EXD3: variants seen among roughly 807,000 people sequenced by gnomAD.
The protein encoded by EXD3 is exonuclease 3'-5' domain containing 3.
EXD3 carries 92 observed loss-of-function variants against 98.0 expected under a neutral mutation model. The ratio of observed to expected loss-of-function variants is 0.94; its 90% CI spans 0.79 to 1.12. The LOEUF (loss-of-function observed/expected upper bound fraction) is 1.12. Among genes scored for constraint, EXD3 ranks in the 50% most tolerant of loss-of-function variants. The probability of loss-of-function intolerance (pLI) is 0.00; values close to 1 mark genes in which losing one functional copy is unlikely to be tolerated. For missense variants in EXD3, 1,222 were observed against 1,191.6 expected, an observed-to-expected ratio of 1.03 and a Z score of -0.38; for synonymous variants, 569 against 526.0, an observed-to-expected ratio of 1.08 and a Z score of -1.12.
intron 17 of EXD3, among the ~76,000 whole-genome samples, chr9:137,325,808 G>A (rs979427363): frequency 1.3e-5 from 2 of 152,144 alleles, no homozygotes; most frequent in African/African-American, 2.4e-5. Context: ...TCTTAGAAGA[G>A]GCTGGGCAAG....
chr9:137,316,829 G>C (rs1466737165), intron 19 of EXD3, among the ~76,000 whole-genome samples: 1 of 152,224 alleles, frequency 6.6e-6, no homozygotes, highest in Non-Finnish European at 1.5e-5. Flanking sequence ...CCCGCACAGG[G>C]GCCTAGGTGT....
At chr9:137,328,771 GCTACACGGGA>G (rs1832691532) in intron 17 of EXD3, among the ~76,000 whole-genome samples, 1 of 10,382 alleles carries the variant, frequency 9.6e-5, no homozygotes, top group Admixed American at 9.7e-4. Flanking sequence ...ACTACACGGG[GCTACACGGGA>G]CTACACGGGA....
At chr9:137,336,398 C>T (rs145382414) in intron 17 of EXD3, among the ~76,000 whole-genome samples, 5 of 152,276 alleles carry the variant, frequency 3.3e-5, no homozygotes, top group South Asian at 2.1e-4. Flanking sequence ...TGGTGGCTCA[C>T]GCCTGTAATC....
rs1311050882 is a variant in EXD3, at chr9:137,324,079, G to C, written c.2052+11C>G. ...GCTCAGGCCCACTGAGCTTATCTTT[G>C]GGACACTCACCTTGTGGAATGGCTG... On this transcript the variant is annotated intron_variant, in intron 18 of 21. Transcript: ENST00000340951. This position sits in a 1 kb window ranked among gnomAD's most constrained non-coding sequence, Gnocchi z 4.1. 1 of 1,582,766 alleles carries C rather than the reference G, an allele frequency of 6.3e-7. No individual in the cohort carries two copies. Among genetic ancestry groups the C allele is most frequent in the South Asian group, 1.2e-5 (1 of 86,494 alleles).
intron 2 of EXD3, among the ~76,000 whole-genome samples, chr9:137,390,247 G>A (rs1350646519): frequency 6.6e-6 from 1 of 150,542 alleles, no homozygotes; most frequent in African/African-American, 2.5e-5. Context: ...TGGCTAACAT[G>A]GTGAAACCCC....
At chr9:137,368,164 G>GC (rs200057346) in intron 5 of EXD3, among the ~76,000 whole-genome samples, 175 bp from the exon 6 acceptor site, 8 of 152,168 alleles carry the variant, frequency 5.3e-5, no homozygotes, top group Admixed American at 1.3e-4. Flanking sequence ...TGGCAGACAA[G>GC]CCCCCCCGTG....
At position 137,393,693 on chromosome 9, in the gene EXD3, G is replaced by C. The variant is rs1837059083; in HGVS notation, c.55+1610C>G. ...CGTGGGATAGGGAAACTGAGGCAGA[G>C]AGCCTCAGCTGCTGCCATGTGGGAG... On this transcript the variant is annotated intron_variant, in intron 2 of 21. Transcript: ENST00000340951. This position sits in a 1 kb window ranked among gnomAD's most constrained non-coding sequence, Gnocchi z 4.6. Among the ~76,000 whole-genome samples, 1 of 152,214 alleles carries C rather than the reference G, an allele frequency of 6.6e-6. No homozygotes were observed. Among genetic ancestry groups the C allele is most frequent in the Non-Finnish European group, 1.5e-5 (1 of 68,014 alleles).
In EXD3 at chr9:137,385,398, G is replaced by A. The variant is rs987476939; in HGVS notation, c.56-2021C>T. Among the ~76,000 whole-genome samples the A allele has an allele frequency of 1.4e-5, 2 of 143,100 alleles. No individual in the cohort carries two copies. Among genetic ancestry groups the A allele is most frequent in the Non-Finnish European group, 1.5e-5 (1 of 64,936 alleles). 93.9% of individuals were successfully genotyped at this position (143,100 alleles called of 152,430 possible). A position where few individuals can be genotyped will look rare whatever the true frequency, so the allele number is the denominator to read the frequency against. On this transcript the variant is annotated intron_variant, in intron 2 of 21. Transcript: ENST00000340951. The surrounding 1 kb of genome is among the most constrained non-coding windows in gnomAD (Gnocchi z 4.4). Reference sequence around the variant, plus strand: ...GTGCTGCATGCTGGGCATGGCTGGCGATGGGGCCAGGGTGGGCTGGGCGGG... The same window carrying A: ...GTGCTGCATGCTGGGCATGGCTGGCAATGGGGCCAGGGTGGGCTGGGCGGG...
intron 7 of EXD3, among the ~76,000 whole-genome samples, chr9:137,357,863 C>T (rs191732890): frequency 7.9e-5 from 12 of 152,008 alleles, no homozygotes; most frequent in African/African-American, 2.7e-4. Flanking sequence ...AGCTGAAGAA[C>T]TTAGAGTCTG....
rs1835612798 is a variant in EXD3, at chr9:137,371,663, G to A, written c.462+1242C>T. On this transcript the variant is annotated intron_variant, in intron 5 of 21. Transcript: ENST00000340951. The surrounding 1 kb of genome is among the most constrained non-coding windows in gnomAD (Gnocchi z 8.0). ...TCCTCATACATGATCAGTGCACCCT[G>A]AGCTGAGCACCCCCAGGCCAGGCAC... Among the ~76,000 whole-genome samples, 1 of 151,710 alleles carries A rather than the reference G, an allele frequency of 6.6e-6. No individual in the cohort carries two copies. The highest frequency in any genetic ancestry group is 2.1e-4 in the South Asian group (1 of 4,792).
intron 19 of EXD3, among the ~76,000 whole-genome samples, chr9:137,319,168 G>A (rs540501856): frequency 1.3e-5 from 2 of 152,364 alleles, no homozygotes; most frequent in East Asian, 3.9e-4. Flanking sequence ...GCGGAGGGCC[G>A]ATCTCTCCTG....
At chr9:137,409,542 C>T (rs1358315143) in intron 1 of EXD3, among the ~76,000 whole-genome samples, 2 of 152,070 alleles carry the variant, frequency 1.3e-5, no homozygotes, top group African/African-American at 2.4e-5. Context: ...CATAGCGAGA[C>T]TCTGTTTCTA....
At chr9:137,359,050 C>G (rs111722623) in intron 7 of EXD3, among the ~76,000 whole-genome samples, 1 of 88,132 alleles carries the variant, frequency 1.1e-5, no homozygotes, top group African/African-American at 3.1e-5. Flanking sequence ...GGGTTCATGC[C>G]ATTCTCCTGC....
intron 8 of EXD3, among the ~76,000 whole-genome samples, chr9:137,356,031 G>A (rs541400700): frequency 5.9e-4 from 90 of 152,324 alleles, no homozygotes; most frequent in African/African-American, 1.8e-3. Flanking sequence ...TCCCGGAGCC[G>A]CCTAGGTGGG....
chr9:137,390,432 CA>C lies in EXD3; in HGVS notation c.55+4870del, dbSNP rs1375595606. Among the ~76,000 whole-genome samples the C allele has an allele frequency of 2.1e-3, 270 of 128,338 alleles. 1 individual carries two copies. Among genetic ancestry groups the C allele is most frequent in the African/African-American group, 5.2e-3 (181 of 34,540 alleles). The allele number at this position is 128,338 out of a possible 152,430, so 84.2% of individuals were successfully genotyped here. ...GGGCGACAGAGCAAGATTCTGTTGC[CA>C]AAAAAAAAAAAAAGTAAATAAATAA... On this transcript the variant is annotated intron_variant, in intron 2 of 21. Coordinates refer to ENST00000340951, the MANE Select transcript of EXD3 (RefSeq NM_017820.5).
chr9:137,352,095 G>C lies in EXD3; in HGVS notation c.1144C>G (p.Leu382Val). ...AGGAGTGCACCCTCGTGTCTGGTCA[G>C]GTCTTCCCACGAGGCCAGGAGGTGG... ...NVHLLASWED[L>V]TRHEGALLQC... The change falls in exon 12 of 22, where the codon CTG becomes GTG. Residue 382 changes from leucine to valine, a missense_variant. By Grantham distance (32) the Leu-to-Val change is conservative. Transcript: ENST00000340951. 6.2e-7 allele frequency: 1 copy of C among 1,612,490 alleles called. No homozygotes were observed. Among genetic ancestry groups the C allele is most frequent in the African/African-American group, 1.3e-5 (1 of 75,064 alleles).
rs923963297 is a variant in EXD3, at chr9:137,399,704, A to G, written c.-47-4300T>C. 9.2e-5 allele frequency among the ~76,000 whole-genome samples: 14 copies of G among 152,278 alleles called. No homozygotes were observed. In the South Asian group the frequency reaches 2.9e-3, roughly 32 times the overall value. ...ACATGGCTGGGGAGGCTTCAGAATC[A>G]TGGTGGGAGGCGAAAGGCGCTTCTT... On this transcript the variant is annotated intron_variant, in intron 1 of 21. Coordinates refer to ENST00000340951, the MANE Select transcript of EXD3 (RefSeq NM_017820.5).
chr9:137,396,968 A>T (rs1330071914), intron 1 of EXD3, among the ~76,000 whole-genome samples: 1 of 152,222 alleles, frequency 6.6e-6, no homozygotes, highest in African/African-American at 2.4e-5. Context: ...GTGTCCCACC[A>T]TGCCGAGGGG....
chr9:137,348,142 G>A lies in EXD3; in HGVS notation c.1927C>T (p.Arg643Trp), dbSNP rs764339032. 8.7e-6 allele frequency: 14 copies of A among 1,612,042 alleles called. No individual in the cohort carries two copies. The highest frequency in any genetic ancestry group is 3.3e-5 in the South Asian group (3 of 91,008). ...VCDNMLQGLA[R>W]SLRCLGVDAR... ...TCCACACCGAGACAGCGGAGGCTCCGTGCCAGCCCCTGCAGCATGTTGTCA... is the reference window on the plus strand; with the variant it reads ...TCCACACCGAGACAGCGGAGGCTCCATGCCAGCCCCTGCAGCATGTTGTCA... Residue 643 changes from arginine to tryptophan, a missense_variant, in exon 17 of 22, where the codon CGG becomes TGG. Arg to Trp is a moderately radical substitution (Grantham distance 101). Coordinates refer to ENST00000340951, the MANE Select transcript of EXD3 (RefSeq NM_017820.5).
Sources: gnomAD v4.1 joint callset for allele counts (sites outside exome capture counted in the v4.1 genomes callset) on GRCh38, gnomAD v4.1.1 for gene constraint, Gnocchi (gnomAD v3.1) non-coding constraint, MANE v1.5 for transcripts, NCBI Gene and HGNC (gene_info 2026-07-23, HGNC 2026-07-21) for gene names.